The following BPGM variants were observed in gnomAD, a reference collection of about 807,000 sequenced individuals.
BPGM encodes the protein 2,3-bisphosphoglycerate mutase, erythrocyte.
A neutral mutation model predicts 21.6 loss-of-function variants in BPGM; 15 were observed. The ratio of observed to expected loss-of-function variants is 0.70; its 90% CI spans 0.47 to 1.07. The LOEUF (loss-of-function observed/expected upper bound fraction) is 1.07, where lower values mean the gene tolerates loss of function less well. Ranked by LOEUF, BPGM falls within the 50% of genes least tolerant of loss-of-function variation. The pLI, the probability that BPGM is intolerant of heterozygous loss-of-function variation, is 0.00. For synonymous variants in BPGM, 113 were observed against 116.2 expected, an observed-to-expected ratio of 0.97 and a Z score of 0.18; for missense variants, 273 against 319.0, an observed-to-expected ratio of 0.86 and a Z score of 1.10.
At chr7:134,652,773 C>T (rs1795576806) in intron 1 of BPGM, among the ~76,000 whole-genome samples, 1 of 152,194 alleles carries the variant, frequency 6.6e-6, no homozygotes. Flanking sequence ...CTTAGGCTCT[C>T]CAGTTCCATC....
chr7:134,663,070 T>C (rs1795761666), intron 2 of BPGM, among the ~76,000 whole-genome samples: 1 of 152,204 alleles, frequency 6.6e-6, no homozygotes, highest in African/African-American at 2.4e-5. Context: ...CTGTCAGCAG[T>C]TAGCTTACTG....
intron 1 of BPGM, among the ~76,000 whole-genome samples, chr7:134,653,400 T>C (rs1371800965): frequency 1.3e-5 from 2 of 152,218 alleles, no homozygotes; most frequent in Non-Finnish European, 2.9e-5. Flanking sequence ...TTACCAGAAT[T>C]ATTGCAAAAA....
chr7:134,664,087 G>C (rs1668075725), intron 2 of BPGM, among the ~76,000 whole-genome samples: 1 of 152,172 alleles, frequency 6.6e-6, no homozygotes, highest in Admixed American at 6.5e-5. Context: ...ATCAAATGGT[G>C]TACCTGCTTT....
Position 134,654,071 on chromosome 7 carries a change from C to G in BPGM, c.-62+7134C>G, listed in dbSNP as rs537210696. 1.4e-4 allele frequency among the ~76,000 whole-genome samples: 22 copies of G among 152,212 alleles called. 1 individual carries two copies. The South Asian group carries it at 4.3e-3, about 30-fold the overall frequency. On this transcript the variant is annotated intron_variant, in intron 1 of 2. Coordinates refer to ENST00000344924, the MANE Select transcript of BPGM (RefSeq NM_001724.5). ...CTCAGAAATATTCTCTCCCATCCCA[C>G]CTCTCTTTTACTAATGAAGTGCTTT...
At chr7:134,652,003 A>G (rs1239951963) in intron 1 of BPGM, among the ~76,000 whole-genome samples, 1 of 152,234 alleles carries the variant, frequency 6.6e-6, no homozygotes, top group Non-Finnish European at 1.5e-5. Context: ...GATGAATCCT[A>G]TAGTTTTCCC....
chr7:134,677,998 A>G (rs1249025586), intron 2 of BPGM, among the ~76,000 whole-genome samples: 2 of 152,250 alleles, frequency 1.3e-5, no homozygotes, highest in African/African-American at 2.4e-5. Context: ...TCATATTGCA[A>G]TGATGATTAA....
chr7:134,674,243 G>A (rs561218357), intron 2 of BPGM, among the ~76,000 whole-genome samples: 11 of 152,114 alleles, frequency 7.2e-5, no homozygotes, highest in African/African-American at 1.2e-4. Context: ...TCTTTATTGC[G>A]TTATAATTCA....
intron 2 of BPGM, among the ~76,000 whole-genome samples, chr7:134,676,676 A>C (rs924951345): frequency 3.9e-5 from 6 of 152,154 alleles, no homozygotes; most frequent in Non-Finnish European, 5.9e-5. Flanking sequence ...TGGAGGTAAA[A>C]TCTTGGCCAA....
Position 134,661,762 on chromosome 7 carries a change from G to A in BPGM, c.255G>A (p.Trp85Ter). 1.2e-6 allele frequency: 2 copies of A among 1,614,160 alleles called. No individual in the cohort carries two copies. The highest frequency in any genetic ancestry group is 1.7e-6 in the Non-Finnish European group (2 of 1,180,030). ...GQEWVPVESS[W>*]RLNERHYGAL... ...AATGGGTGCCTGTGGAAAGCTCCTGGCGTCTAAATGAGCGTCACTATGGGG... is the reference window on the plus strand; with the variant it reads ...AATGGGTGCCTGTGGAAAGCTCCTGACGTCTAAATGAGCGTCACTATGGGG... The change falls in exon 2 of 3, where the codon TGG (tryptophan) becomes TGA (stop). Residue 85 changes from tryptophan (W) to a stop codon, truncating the protein, a stop_gained. Coordinates refer to ENST00000344924, the MANE Select transcript of BPGM (RefSeq NM_001724.5). LOFTEE classifies it high-confidence loss of function. This position sits in a 1 kb window ranked among gnomAD's most constrained non-coding sequence, Gnocchi z 4.6.
chr7:134,672,413 C>T (rs140100124), intron 2 of BPGM, among the ~76,000 whole-genome samples: 28 of 152,256 alleles, frequency 1.8e-4, no homozygotes, highest in African/African-American at 6.3e-4. Context: ...AACACAGTGC[C>T]TTGCCCATTG....
In BPGM at chr7:134,663,111, C is replaced by T. The variant is rs375388817; in HGVS notation, c.601+1003C>T. On this transcript the variant is annotated intron_variant, in intron 2 of 2. Coordinates refer to ENST00000344924, the MANE Select transcript of BPGM (RefSeq NM_001724.5). ...AAATAGAAGAAATTTCTCCACCATT[C>T]GTTTTCATTCTGCTTTAATTTTCTA... Among the ~76,000 whole-genome samples, 220 of 152,278 alleles carry T rather than the reference C, an allele frequency of 1.4e-3. 5 individuals carry two copies. The South Asian group carries it at 0.042, about 29-fold the overall frequency.
At chr7:134,663,156 A>G (rs965771353) in intron 2 of BPGM, among the ~76,000 whole-genome samples, 4 of 152,260 alleles carry the variant, frequency 2.6e-5, no homozygotes, top group African/African-American at 9.6e-5. Flanking sequence ...GTGACAAATA[A>G]AAAGGCTGAC....
chr7:134,651,627 A>G (rs1795556322), intron 1 of BPGM, among the ~76,000 whole-genome samples: 1 of 152,192 alleles, frequency 6.6e-6, no homozygotes, highest in African/African-American at 2.4e-5. Context: ...ACCTTAGTAA[A>G]TGCAGTGCCT....
At chr7:134,647,609 A>G (rs960611944) in intron 1 of BPGM, among the ~76,000 whole-genome samples, 5 of 152,318 alleles carry the variant, frequency 3.3e-5, no homozygotes, top group South Asian at 2.1e-4. Context: ...GCTAACTTAT[A>G]ACTCTCATCC....
Position 134,661,880 on chromosome 7 carries a change from C to T in BPGM, c.373C>T (p.Pro125Ser). Reference protein sequence around the residue: ...WRRSYNVTPPPIEESHPYYQE... With the variant: ...WRRSYNVTPPSIEESHPYYQE... ...AAGAAGCTACAATGTAACCCCGCCT[C>T]CCATTGAGGAGTCTCATCCTTACTA... The change falls in exon 2 of 3, where the codon CCC becomes TCC. Residue 125 changes from proline (P) to serine (S), a missense_variant. Pro to Ser is a moderately conservative substitution (Grantham distance 74). Coordinates refer to ENST00000344924, the MANE Select transcript of BPGM (RefSeq NM_001724.5). The surrounding 1 kb of genome is among the most constrained non-coding windows in gnomAD (Gnocchi z 4.6). 3.7e-6 allele frequency: 6 copies of T among 1,608,456 alleles called. No homozygotes were observed. Among genetic ancestry groups the T allele is most frequent in the Non-Finnish European group, 5.1e-6 (6 of 1,176,302 alleles).
chr7:134,671,988 AG>A, intron 2 of BPGM, among the ~76,000 whole-genome samples: 1 of 152,248 alleles, frequency 6.6e-6, no homozygotes, highest in South Asian at 2.1e-4. Context: ...TGTACATAAC[AG>A]TTTGTCTTTG....
chr7:134,671,046 T>C (rs984850245), intron 2 of BPGM, among the ~76,000 whole-genome samples: 1 of 152,176 alleles, frequency 6.6e-6, no homozygotes, highest in Non-Finnish European at 1.5e-5. Context: ...CTTTTAATTC[T>C]CCTTTTTTTT....
intron 2 of BPGM, among the ~76,000 whole-genome samples, chr7:134,667,848 G>A (rs1005815982): frequency 6.6e-5 from 10 of 152,142 alleles, no homozygotes; most frequent in Non-Finnish European, 1.0e-4. Flanking sequence ...CTGGGGCGGA[G>A]TGTGGTAACG....
intron 2 of BPGM, among the ~76,000 whole-genome samples, chr7:134,668,463 T>G (rs1795852597): frequency 6.6e-6 from 1 of 152,198 alleles, no homozygotes. Context: ...GAGTCTTAAA[T>G]TATTACTGCT....
Sources: gnomAD v4.1 joint callset for allele counts (sites outside exome capture counted in the v4.1 genomes callset) on GRCh38, gnomAD v4.1.1 for gene constraint, Gnocchi (gnomAD v3.1) non-coding constraint, MANE v1.5 for transcripts, NCBI Gene and HGNC (gene_info 2026-07-23, HGNC 2026-07-21) for gene names.